Variants in GNG12 observed in about 807,000 individuals in gnomAD.
The protein encoded by GNG12 is guanine nucleotide-binding protein G(I)/G(S)/G(O) subunit gamma-12.
For synonymous variants in GNG12, 28 were observed against 29.7 expected (o/e 0.94, Z 0.19); for missense variants, 69 against 83.8 (o/e 0.82, Z 0.69).
chr1:67,798,047 G>C (rs1289936315), intron 1 of GNG12, among the ~76,000 whole-genome samples: 1 of 152,082 alleles, frequency 6.6e-6, no homozygotes, highest in African/African-American at 2.4e-5. Context: ...AGAACTTATA[G>C]GAGGTTCCTT....
chr1:67,827,984 T>C (rs1263928635), intron 1 of GNG12, among the ~76,000 whole-genome samples: 1 of 152,200 alleles, frequency 6.6e-6, no homozygotes, highest in Non-Finnish European at 1.5e-5. Flanking sequence ...CCTGGATCCA[T>C]GCTACCTGTT....
intron 2 of GNG12, among the ~76,000 whole-genome samples, chr1:67,739,469 G>A (rs968729880): frequency 5.3e-5 from 8 of 152,212 alleles, no homozygotes; most frequent in Non-Finnish European, 8.8e-5. Context: ...AGAGACAGAA[G>A]ACAGAGGGCA....
chr1:67,785,559 G>A (rs893371031), intron 1 of GNG12, among the ~76,000 whole-genome samples: 3 of 152,108 alleles, frequency 2.0e-5, no homozygotes, highest in Non-Finnish European at 4.4e-5. Context: ...AAATCACCTG[G>A]CATCTTTCTC....
At chr1:67,752,878 T>C (rs572791353) in intron 2 of GNG12, among the ~76,000 whole-genome samples, 9 of 152,356 alleles carry the variant, frequency 5.9e-5, no homozygotes, top group South Asian at 2.1e-4. Context: ...TGCCAATTTA[T>C]GTCCCTGTGT....
chr1:67,799,245 T>C (rs1411062597), intron 1 of GNG12, among the ~76,000 whole-genome samples: 2 of 152,170 alleles, frequency 1.3e-5, no homozygotes, highest in Non-Finnish European at 2.9e-5. Context: ...GTTAGGAACA[T>C]GGCTACCCAT....
intron 1 of GNG12, among the ~76,000 whole-genome samples, chr1:67,813,586 CA>C (rs1300348475): frequency 6.6e-6 from 1 of 152,154 alleles, no homozygotes; most frequent in Admixed American, 6.5e-5. Context: ...CCACATTTAA[CA>C]CTTTTTAAAA....
chr1:67,776,944 A>G (rs746033284), intron 2 of GNG12, among the ~76,000 whole-genome samples: 5 of 152,134 alleles, frequency 3.3e-5, no homozygotes, highest in Non-Finnish European at 7.4e-5. Context: ...AAAGTACATT[A>G]TTTTCCTAGC....
chr1:67,822,685 G>C (rs1375246321), intron 1 of GNG12, among the ~76,000 whole-genome samples: 1 of 152,118 alleles, frequency 6.6e-6, no homozygotes, highest in East Asian at 1.9e-4. Flanking sequence ...GGTACTCCCA[G>C]AGACAGAGTT....
chr1:67,821,283 C>A (rs1241598459), intron 1 of GNG12, among the ~76,000 whole-genome samples: 1 of 152,004 alleles, frequency 6.6e-6, no homozygotes, highest in African/African-American at 2.4e-5. Flanking sequence ...CAAAGGAGCC[C>A]TTAAAAACAG....
chr1:67,801,800 A>G (rs539908572), intron 1 of GNG12, among the ~76,000 whole-genome samples: 2 of 152,306 alleles, frequency 1.3e-5, no homozygotes, highest in East Asian at 1.9e-4. Context: ...GAATGGGATG[A>G]TAATAATCTA....
At chr1:67,779,970 T>G (rs1259889723) in intron 1 of GNG12, among the ~76,000 whole-genome samples, 1 of 152,154 alleles carries the variant, frequency 6.6e-6, no homozygotes, top group Non-Finnish European at 1.5e-5. Context: ...AAAGGTATAG[T>G]AAAAACATGG....
chr1:67,747,075 C>A (rs1185902002), intron 2 of GNG12, among the ~76,000 whole-genome samples: 2 of 152,150 alleles, frequency 1.3e-5, no homozygotes, highest in African/African-American at 4.8e-5. Context: ...GCACACAAAA[C>A]TGCAAATAAT....
At chr1:67,829,191 T>C (rs2100831967) in intron 1 of GNG12, among the ~76,000 whole-genome samples, 1 of 152,320 alleles carries the variant, frequency 6.6e-6, no homozygotes, top group Admixed American at 6.5e-5. Flanking sequence ...GGTTTAAAAA[T>C]AATTTTTAAG....
chr1:67,799,512 G>A (rs904468705), intron 1 of GNG12, among the ~76,000 whole-genome samples: 4 of 152,132 alleles, frequency 2.6e-5, no homozygotes, highest in Non-Finnish European at 5.9e-5. Context: ...AGACCACAGT[G>A]ACGTTCATGG....
intron 2 of GNG12, among the ~76,000 whole-genome samples, chr1:67,745,190 A>C (rs1646501481): frequency 6.6e-6 from 1 of 152,240 alleles, no homozygotes; most frequent in Admixed American, 6.5e-5. Flanking sequence ...GACGACAAAT[A>C]AACCAGGGTA....
intron 2 of GNG12, among the ~76,000 whole-genome samples, chr1:67,761,836 C>T (rs1216612862): frequency 6.6e-6 from 1 of 152,080 alleles, no homozygotes; most frequent in African/African-American, 2.4e-5. Context: ...CAGGAAAACT[C>T]TCTCAGTGAT....
rs490383 is a variant in GNG12 at position 67,714,991 on chromosome 1, C to T, written c.-26-7279G>A. 7.2e-5 allele frequency among the ~76,000 whole-genome samples: 11 copies of T among 152,100 alleles called. No individual in the cohort carries two copies. The South Asian group carries it at 1.9e-3, about 26-fold the overall frequency. ...AGGCTGGAGTGCAGTGGCGCGATCT[C>T]GGCTCACTGCAGCCTCCACCTATTT... On this transcript the variant is annotated intron_variant, in intron 2 of 3. Coordinates refer to ENST00000370982, the MANE Select transcript of GNG12 (RefSeq NM_018841.6).
intron 2 of GNG12, among the ~76,000 whole-genome samples, chr1:67,737,597 A>T (rs1000278267): frequency 1.3e-5 from 2 of 151,278 alleles, no homozygotes; most frequent in African/African-American, 4.9e-5. Flanking sequence ...CCTCTTTTCA[A>T]TATGAAGACT....
intron 1 of GNG12, among the ~76,000 whole-genome samples, chr1:67,798,713 C>T (rs1427340815): frequency 2.6e-5 from 4 of 152,010 alleles, no homozygotes; most frequent in South Asian, 2.1e-4. Flanking sequence ...CCCAGCACTT[C>T]GGTTGGCTGA....
Sources: allele counts gnomAD v4.1 joint callset (sites outside exome capture counted in the v4.1 genomes callset), GRCh38; gene constraint gnomAD v4.1.1; transcripts MANE v1.5; gene names NCBI Gene and HGNC (gene_info 2026-07-23, HGNC 2026-07-21).